CLDN11: variants seen among roughly 807,000 people sequenced by gnomAD.
CLDN11 encodes the protein claudin-11.
In CLDN11, 1 loss-of-function variant was observed where a neutral mutation model predicts 18.0. That is an observed-to-expected ratio of 0.06 (90% CI 0.02 to 0.26). The LOEUF is 0.26. Ranked by LOEUF, CLDN11 falls within the 10% of genes least tolerant of loss-of-function variation. The pLI, the probability that CLDN11 is intolerant of heterozygous loss-of-function variation, is 1.00. For synonymous variants in CLDN11, 116 were observed against 121.5 expected (o/e 0.96, Z 0.30); for missense variants, 172 against 276.6 (o/e 0.62, Z 2.68).
intron 2 of CLDN11, among the ~76,000 whole-genome samples, 155 bp from the exon 3 acceptor site, chr3:170,432,369 A>G (rs1234585609): frequency 6.6e-6 from 1 of 152,160 alleles, no homozygotes; most frequent in Non-Finnish European, 1.5e-5. Flanking sequence ...CAACTGCTAC[A>G]TATTGGTTCA....
intron 2 of CLDN11, among the ~76,000 whole-genome samples, chr3:170,429,033 A>G (rs1231340783): frequency 6.6e-6 from 1 of 152,236 alleles, no homozygotes; most frequent in South Asian, 2.1e-4. Context: ...TTGGCCAGTT[A>G]TATTACTATT....
intron 2 of CLDN11, among the ~76,000 whole-genome samples, chr3:170,424,435 T>C (rs1738798734): frequency 6.6e-6 from 1 of 152,172 alleles, no homozygotes; most frequent in Non-Finnish European, 1.5e-5. Context: ...AAATGGCATG[T>C]GCTCATTTGG....
At chr3:170,429,866 A>G (rs1738952833) in intron 2 of CLDN11, among the ~76,000 whole-genome samples, 2 of 152,264 alleles carry the variant, frequency 1.3e-5, no homozygotes, top group South Asian at 4.1e-4. Context: ...CTGTATGTGT[A>G]AATACAAAGT....
chr3:170,432,993 G>GCCCCT lies in CLDN11; in HGVS notation c.*238_*242dup, dbSNP rs954026520. 2.0e-6 allele frequency: 1 copy of GCCCCT among 488,738 alleles called. No homozygotes were observed. The highest frequency in any genetic ancestry group is 3.2e-5 in the Admixed American group (1 of 30,856). The allele number at this position is 488,738 out of a possible 1,614,324, so 30.3% of individuals were successfully genotyped here. On this transcript the variant is annotated 3_prime_UTR_variant, in exon 3 of 3. Coordinates refer to ENST00000064724, the MANE Select transcript of CLDN11 (RefSeq NM_005602.6). Reference sequence around the variant, plus strand: ...CCAGACATTTTTTTCCCTTGGTGTTGCCCCTATTAGCTCTTTTCTTGGGCA... The same window carrying GCCCCT: ...CCAGACATTTTTTTCCCTTGGTGTTGCCCCTCCCCTATTAGCTCTTTTCTTGGGCA...
chr3:170,422,502 A>G (rs1343365408), intron 1 of CLDN11, among the ~76,000 whole-genome samples: 2 of 151,820 alleles, frequency 1.3e-5, no homozygotes, highest in East Asian at 3.9e-4. Flanking sequence ...GCTCACTGCA[A>G]CCTCCCCCTC....
At chr3:170,421,317 C>T in intron 1 of CLDN11, 2 of 985,530 alleles carry the variant, frequency 2.0e-6, no homozygotes, top group Non-Finnish European at 2.4e-6. Context: ...ACCTGCATTG[C>T]CAGTTGACTG....
At position 170,422,995 on chromosome 3, in the gene CLDN11, T is replaced by C. The variant is rs1247973962; in HGVS notation, c.227-168T>C. ...CCCCCTTTTTTCTTGCTGAGTTGTTTTAAAAGTTAAAAAGTGCTTAGTGAC... is the reference window on the plus strand; with the variant it reads ...CCCCCTTTTTTCTTGCTGAGTTGTTCTAAAAGTTAAAAAGTGCTTAGTGAC... On this transcript the variant is annotated intron_variant, in intron 1 of 2. Transcript: ENST00000064724. 15 of 710,242 alleles carry C rather than the reference T, an allele frequency of 2.1e-5. No individual in the cohort carries two copies. The East Asian group carries it at 3.9e-4, about 18-fold the overall frequency. The allele number at this position is 710,242 out of a possible 1,614,324, so 44.0% of individuals were successfully genotyped here.
In CLDN11 at chr3:170,419,262, A is replaced by G; in HGVS notation, c.196A>G (p.Lys66Glu). The G allele has an allele frequency of 6.4e-7, 1 of 1,570,456 alleles. No homozygotes were observed. The highest frequency in any genetic ancestry group is 1.2e-5 in the South Asian group (1 of 85,152). Residue 66 changes from lysine to glutamate, a missense_variant, in exon 1 of 3, where the codon AAG becomes GAG. This residue lies in a region of CLDN11 where 161 missense variants were observed against 240.3 expected (regional missense o/e 0.67). Coordinates refer to ENST00000064724, the MANE Select transcript of CLDN11 (RefSeq NM_005602.6). The surrounding 1 kb of genome is among the most constrained non-coding windows in gnomAD (Gnocchi z 8.6). ...CVMATGLYHC[K>E]PLVDILILPG... ...CATGGCCACGGGGCTGTACCACTGC[A>G]AGCCCCTGGTGGACATCCTCATCCT...
chr3:170,430,652 C>G (rs1035583950), intron 2 of CLDN11, among the ~76,000 whole-genome samples: 4 of 151,248 alleles, frequency 2.6e-5, no homozygotes, highest in East Asian at 1.9e-4. Flanking sequence ...AAGCAATTCT[C>G]CCTGCCTCAG....
At chr3:170,424,938 TGTGCGC>T (rs780924393) in intron 2 of CLDN11, among the ~76,000 whole-genome samples, 1 of 132,158 alleles carries the variant, frequency 7.6e-6, no homozygotes, top group East Asian at 2.8e-4. Flanking sequence ...TGTGTGTGTG[TGTGCGC>T]GCGTGTGTGT....
chr3:170,427,024 C>T (rs966517064), intron 2 of CLDN11, among the ~76,000 whole-genome samples: 3 of 152,100 alleles, frequency 2.0e-5, no homozygotes, highest in African/African-American at 2.4e-5. Flanking sequence ...CGTGAGCCAC[C>T]GTGCCTGGCC....
chr3:170,420,894 T>G (rs1479708426), intron 1 of CLDN11, among the ~76,000 whole-genome samples: 2 of 152,134 alleles, frequency 1.3e-5, no homozygotes, highest in Non-Finnish European at 2.9e-5. Flanking sequence ...TAAAATCAGA[T>G]CAACCACCCA....
rs76935838 is a variant in CLDN11, at chr3:170,433,760, C to A, written c.*1004C>A. ...ATATGAAGGAAATGAACCACATAGA[C>A]TTTATGCAATAAATAACAGTGCAAG... On this transcript the variant is annotated 3_prime_UTR_variant, in exon 3 of 3. Transcript: ENST00000064724. 2,932 of 152,722 alleles carry A rather than the reference C, an allele frequency of 0.019. 59 individuals are homozygous for A. Among genetic ancestry groups the A allele is most frequent in the East Asian group, 0.08 (415 of 5,180 alleles). The allele number at this position is 152,722 out of a possible 1,614,324, so 9.5% of individuals were successfully genotyped here.
In CLDN11 at chr3:170,419,019, C is replaced by T. The variant is rs1444801550; in HGVS notation, c.-48C>T. ...GGGCAGGCACTGTCCAGCCCAGGCCCAGGCACAGCCGTGAGGGGCGAGGCA... is the reference window on the plus strand; with the variant it reads ...GGGCAGGCACTGTCCAGCCCAGGCCTAGGCACAGCCGTGAGGGGCGAGGCA... On this transcript the variant is annotated 5_prime_UTR_variant, in exon 1 of 3. Transcript: ENST00000064724. This position sits in a 1 kb window ranked among gnomAD's most constrained non-coding sequence, Gnocchi z 8.6. 1.4e-6 allele frequency: 2 copies of T among 1,418,854 alleles called. No individual in the cohort carries two copies. The highest frequency in any genetic ancestry group is 1.9e-6 in the Non-Finnish European group (2 of 1,029,440). 87.9% of individuals were successfully genotyped at this position (1,418,854 alleles called of 1,614,324 possible). A position where few individuals can be genotyped will look rare whatever the true frequency, so the allele number is the denominator to read the frequency against.
chr3:170,427,786 G>T (rs1197696653), intron 2 of CLDN11, among the ~76,000 whole-genome samples: 1 of 149,376 alleles, frequency 6.7e-6, no homozygotes. Context: ...TCCAGCCTGG[G>T]CGACAGAGTG....
At chr3:170,430,997 C>T (rs1000143310) in intron 2 of CLDN11, among the ~76,000 whole-genome samples, 2 of 152,166 alleles carry the variant, frequency 1.3e-5, no homozygotes. Flanking sequence ...GAAATCATAT[C>T]TTCCTACATA....
At position 170,419,280 on chromosome 3, in the gene CLDN11, C is replaced by A. The variant is rs1738663430; in HGVS notation, c.214C>A (p.Leu72Ile). ...LYHCKPLVDI[L>I]ILPGYVQACR... The stretch of plus-strand genomic sequence containing the variant: ...CCACTGCAAGCCCCTGGTGGACATC[C>A]TCATCCTGCCGGGTAAGGACCCGAG... The change falls in exon 1 of 3, where the codon CTC becomes ATC. Residue 72 changes from leucine to isoleucine, a missense_variant. By Grantham distance (5) the Leu-to-Ile change is conservative. Around this residue, in one of 3 missense-constraint regions of CLDN11, gnomAD observed 161 missense variants for 240.3 expected, o/e 0.67. Coordinates refer to ENST00000064724, the MANE Select transcript of CLDN11 (RefSeq NM_005602.6). The surrounding 1 kb of genome is among the most constrained non-coding windows in gnomAD (Gnocchi z 8.6). The A allele has an allele frequency of 6.4e-7, 1 of 1,559,364 alleles. No homozygotes were observed. Among genetic ancestry groups the A allele is most frequent in the East Asian group, 2.4e-5 (1 of 41,450 alleles).
rs767581910 is a variant in CLDN11, at chr3:170,419,837, G to A, written c.226+545G>A. ...CTAGCTCCGTCCGCGCAGCCGCTGAGCAATTCACGTCCAGGGCTCTCTGGG... is the reference window on the plus strand; with the variant it reads ...CTAGCTCCGTCCGCGCAGCCGCTGAACAATTCACGTCCAGGGCTCTCTGGG... On this transcript the variant is annotated intron_variant, in intron 1 of 2. Transcript: ENST00000064724. This position sits in a 1 kb window ranked among gnomAD's most constrained non-coding sequence, Gnocchi z 8.6. Among the ~76,000 whole-genome samples, 103 of 152,276 alleles carry A rather than the reference G, an allele frequency of 6.8e-4. No homozygotes were observed. The highest frequency in any genetic ancestry group is 1.4e-3 in the Non-Finnish European group (92 of 68,042).
chr3:170,429,649 A>C (rs1738948491), intron 2 of CLDN11, among the ~76,000 whole-genome samples: 1 of 152,208 alleles, frequency 6.6e-6, no homozygotes, highest in Admixed American at 6.5e-5. Flanking sequence ...AATCCCTAAA[A>C]TACTCAAAAC....
Sources: allele counts gnomAD v4.1 joint callset (sites outside exome capture counted in the v4.1 genomes callset), GRCh38; gene constraint gnomAD v4.1.1; regional missense constraint gnomAD v4.1.1; non-coding constraint Gnocchi (gnomAD v3.1); transcripts MANE v1.5; gene names NCBI Gene and HGNC (gene_info 2026-07-23, HGNC 2026-07-21).